The following ACVR2B variants were observed in gnomAD, a reference collection of about 807,000 sequenced individuals.
ACVR2B encodes the protein activin A receptor type 2B, also known as activin receptor type-2B.
ACVR2B carries 18 observed loss-of-function variants against 65.1 expected under a neutral mutation model. The observed-to-expected ratio is 0.28, with a 90% CI of 0.19 to 0.41. The LOEUF is 0.41. Among genes scored for constraint, ACVR2B ranks in the 10% least tolerant of loss-of-function variants. The pLI is 1.00. For synonymous variants in ACVR2B, 298 were observed against 277.7 expected (o/e 1.07, Z -0.73); for missense variants, 482 against 682.7 (o/e 0.71, Z 3.28).
intron 1 of ACVR2B, among the ~76,000 whole-genome samples, chr3:38,455,233 C>T (rs955831239): frequency 6.6e-6 from 1 of 152,228 alleles, no homozygotes; most frequent in Admixed American, 6.5e-5. Context: ...CACCGATTTC[C>T]CTCTCTCAGT....
chr3:38,479,022 G>A, intron 5 of ACVR2B, 106 bp from the exon 6 acceptor site: 2 of 1,487,538 alleles, frequency 1.3e-6, no homozygotes, highest in South Asian at 2.3e-5. Flanking sequence ...GGGCTGGGAG[G>A]CTTGAGGGTG....
At chr3:38,459,219 A>T (rs1559645240) in intron 1 of ACVR2B, among the ~76,000 whole-genome samples, 1 of 152,126 alleles carries the variant, frequency 6.6e-6, no homozygotes, top group African/African-American at 2.4e-5. Flanking sequence ...TGCTTAGTGA[A>T]ATCTGCTCAG....
Position 38,477,371 on chromosome 3 carries a change from T to A in ACVR2B, c.137T>A (p.Leu46Gln). 6.2e-7 allele frequency: 1 copy of A among 1,614,134 alleles called. No homozygotes were observed. Among genetic ancestry groups the A allele is most frequent in the Admixed American group, 1.7e-5 (1 of 60,030 alleles). The part of the protein sequence containing the change: ...WELERTNQSG[L>Q]ERCEGEQDKR... ...CTGGAGCGCACCAACCAGAGCGGCC[T>A]GGAGCGCTGCGAAGGCGAGCAGGAC... Residue 46 changes from leucine (L) to glutamine (Q), a missense_variant, in exon 2 of 11, where the codon CTG becomes CAG. Leu to Gln is a moderately radical substitution (Grantham distance 113, BLOSUM62 -2). This residue lies in a region of ACVR2B where 85 missense variants were observed against 137.3 expected (regional missense o/e 0.62). Coordinates refer to ENST00000352511, the MANE Select transcript of ACVR2B (RefSeq NM_001106.4). This position sits in a 1 kb window ranked among gnomAD's most constrained non-coding sequence, Gnocchi z 6.7.
chr3:38,479,363 T>A, intron 6 of ACVR2B, 92 bp downstream of exon 6: 1 of 1,570,800 alleles, frequency 6.4e-7, no homozygotes, highest in Non-Finnish European at 8.8e-7. Flanking sequence ...CCTGTGGAGG[T>A]GTCCACCATG....
chr3:38,468,382 G>C (rs1011513751), intron 1 of ACVR2B, among the ~76,000 whole-genome samples: 8 of 152,164 alleles, frequency 5.3e-5, no homozygotes, highest in Admixed American at 6.5e-5. Context: ...CAAGGGGGTT[G>C]AGAACTAGGG....
intron 1 of ACVR2B, among the ~76,000 whole-genome samples, chr3:38,458,473 T>C (rs764621158): frequency 1.3e-5 from 2 of 152,186 alleles, no homozygotes; most frequent in Non-Finnish European, 2.9e-5. Flanking sequence ...ACTGTAGTAG[T>C]CTTAAGGGGC....
At chr3:38,468,925 G>A (rs1359318740) in intron 1 of ACVR2B, among the ~76,000 whole-genome samples, 1 of 152,204 alleles carries the variant, frequency 6.6e-6, no homozygotes, top group Non-Finnish European at 1.5e-5. Flanking sequence ...TCCTTCCAGT[G>A]TTTTCCAGGA....
chr3:38,456,841 T>TG (rs1273761633), intron 1 of ACVR2B, among the ~76,000 whole-genome samples: 1 of 152,152 alleles, frequency 6.6e-6, no homozygotes, highest in Non-Finnish European at 1.5e-5. Context: ...ACCATTACAC[T>TG]GGGGGTCAGA....
chr3:38,458,460 T>C (rs2125712176), intron 1 of ACVR2B, among the ~76,000 whole-genome samples: 1 of 152,312 alleles, frequency 6.6e-6, no homozygotes, highest in African/African-American at 2.4e-5. Context: ...CCTGCACATA[T>C]CCACTGTAGT....
In ACVR2B at chr3:38,486,828, C is replaced by G. The variant is rs1192522685; in HGVS notation, c.*3496C>G. ...AGAAGTCATCCCTAGTTGGAGAAAT[C>G]CAGTAATGAGCAGAAGGAGGAAGCA... On this transcript the variant is annotated 3_prime_UTR_variant, in exon 11 of 11. Transcript: ENST00000352511. 6.6e-6 allele frequency: 1 copy of G among 152,202 alleles called. No individual in the cohort carries two copies. The highest frequency in any genetic ancestry group is 2.4e-5 in the African/African-American group (1 of 41,436). 9.4% of individuals were successfully genotyped at this position (152,202 alleles called of 1,614,324 possible). A position where few individuals can be genotyped will look rare whatever the true frequency, so the allele number is the denominator to read the frequency against.
In ACVR2B at chr3:38,490,294, A is replaced by G. The variant is rs184110343; in HGVS notation, c.*6962A>G. 1.3e-5 allele frequency: 2 copies of G among 152,500 alleles called. No individual in the cohort carries two copies. The highest frequency in any genetic ancestry group is 1.3e-4 in the Admixed American group (2 of 15,300). 9.4% of individuals were successfully genotyped at this position (152,500 alleles called of 1,614,324 possible). A position where few individuals can be genotyped will look rare whatever the true frequency, so the allele number is the denominator to read the frequency against. The stretch of plus-strand genomic sequence containing the variant: ...GCTGGCTTCAGGCTGCTGCTTCTAG[A>G]CAGAGGTGCACTGGACGGGATAGTT... On this transcript the variant is annotated 3_prime_UTR_variant, in exon 11 of 11. Transcript: ENST00000352511.
Position 38,460,275 on chromosome 3 carries a change from A to G in ACVR2B, c.52+5901A>G, listed in dbSNP as rs143745873. On this transcript the variant is annotated intron_variant, in intron 1 of 10. Coordinates refer to ENST00000352511, the MANE Select transcript of ACVR2B (RefSeq NM_001106.4). ...TTTCTTTTTTGGTCTCTCATTCTCT[A>G]CCAGACTTACGGGTCCATCCCAGCC... Among the ~76,000 whole-genome samples, 466 of 151,920 alleles carry G rather than the reference A, an allele frequency of 3.1e-3. 3 individuals are homozygous for G. Among genetic ancestry groups the G allele is most frequent in the African/African-American group, 8.0e-3 (330 of 41,390 alleles).
Position 38,488,239 on chromosome 3 carries a change from A to G in ACVR2B, c.*4907A>G, listed in dbSNP as rs759622741. 6 of 152,228 alleles carry G rather than the reference A, an allele frequency of 3.9e-5. No individual in the cohort carries two copies. Among genetic ancestry groups the G allele is most frequent in the East Asian group, 1.9e-4 (1 of 5,202 alleles). 9.4% of individuals were successfully genotyped at this position (152,228 alleles called of 1,614,324 possible). On this transcript the variant is annotated 3_prime_UTR_variant, in exon 11 of 11. Coordinates refer to ENST00000352511, the MANE Select transcript of ACVR2B (RefSeq NM_001106.4). The stretch of plus-strand genomic sequence containing the variant: ...CCCAGTAATTCAGTTGATGAACTGT[A>G]TATCTTCTCAGTCTAGATTTGTAAA...
intron 5 of ACVR2B, 49 bp downstream of exon 5, chr3:38,478,567 TG>T (rs768156886): frequency 1.2e-6 from 2 of 1,613,166 alleles, no homozygotes; most frequent in Admixed American, 3.3e-5. Flanking sequence ...CACTGTAGCT[TG>T]AACTGGAGGC....
At chr3:38,455,094 C>T (rs1474102014) in intron 1 of ACVR2B, among the ~76,000 whole-genome samples, 1 of 152,162 alleles carries the variant, frequency 6.6e-6, no homozygotes, top group African/African-American at 2.4e-5. Flanking sequence ...GACCAGCGCT[C>T]AGCTCGCCCG....
At chr3:38,455,738 C>T (rs545320594) in intron 1 of ACVR2B, among the ~76,000 whole-genome samples, 1 of 152,174 alleles carries the variant, frequency 6.6e-6, no homozygotes, top group Non-Finnish European at 1.5e-5. Flanking sequence ...TTCTTGGAGG[C>T]GAAGTGGTGG....
At position 38,481,357 on chromosome 3, in the gene ACVR2B, T is replaced by C. The variant is rs1710014755; in HGVS notation, c.966T>C (p.Phe322=). ...GHKPSIAHRD[F]KSKNVLLKSD... is the part of the protein sequence containing the mutation. ...TGCCCACTTGTTTCCACAGGGACTT[T>C]AAAAGTAAGAATGTATTGCTGAAGA... Residue 322 remains phenylalanine, a synonymous_variant, in exon 8 of 11, where the codon TTT becomes TTC. Transcript: ENST00000352511. This position sits in a 1 kb window ranked among gnomAD's most constrained non-coding sequence, Gnocchi z 4.7. 2 of 1,613,794 alleles carry C rather than the reference T, an allele frequency of 1.2e-6. No homozygotes were observed. Among genetic ancestry groups the C allele is most frequent in the Non-Finnish European group, 1.7e-6 (2 of 1,179,796 alleles).
rs548921031 is a variant in ACVR2B, at chr3:38,481,736, C to T, written c.1074+271C>T. 3.9e-4 allele frequency among the ~76,000 whole-genome samples: 60 copies of T among 152,352 alleles called. 1 individual carries two copies. The South Asian group carries it at 0.011, about 28-fold the overall frequency. ...GTCCTTGCAATCTTAGTCTTTCTCT[C>T]ACTTTTTTAGTTTTAATTCCTAAGA... On this transcript the variant is annotated intron_variant, in intron 8 of 10. Transcript: ENST00000352511. This position sits in a 1 kb window ranked among gnomAD's most constrained non-coding sequence, Gnocchi z 4.7.
At chr3:38,466,393 A>G (rs549616687) in intron 1 of ACVR2B, among the ~76,000 whole-genome samples, 2 of 152,354 alleles carry the variant, frequency 1.3e-5, no homozygotes, top group African/African-American at 4.8e-5. Context: ...ATAAATGGTA[A>G]TGGATTTGTT....
Sources: allele counts gnomAD v4.1 joint callset (sites outside exome capture counted in the v4.1 genomes callset), GRCh38; gene constraint gnomAD v4.1.1; regional missense constraint gnomAD v4.1.1; non-coding constraint Gnocchi (gnomAD v3.1); transcripts MANE v1.5; gene names NCBI Gene and HGNC (gene_info 2026-07-23, HGNC 2026-07-21).